MEGF10: variants seen among roughly 807,000 people sequenced by gnomAD.
The protein encoded by MEGF10 is multiple epidermal growth factor-like domains protein 10.
MEGF10 carries 86 observed loss-of-function variants against 147.5 expected under a neutral mutation model. The ratio of observed to expected loss-of-function variants is 0.58; its 90% CI spans 0.49 to 0.70. The LOEUF (loss-of-function observed/expected upper bound fraction) is 0.70. Among genes scored for constraint, MEGF10 ranks in the 30% least tolerant of loss-of-function variants. MEGF10 has a pLI of 0.00. For synonymous variants in MEGF10, 478 were observed against 525.5 expected (o/e 0.91, Z 1.24); for missense variants, 1,329 against 1,487.3 (o/e 0.89, Z 1.75).
At chr5:127,377,982 G>T (rs887936284) in intron 5 of MEGF10, among the ~76,000 whole-genome samples, 7 of 152,168 alleles carry the variant, frequency 4.6e-5, no homozygotes, top group African/African-American at 1.7e-4. Context: ...GGTCCCAAAG[G>T]TAGTTTCACT....
chr5:127,247,386 G>A, the MEGF10 span, among the ~76,000 whole-genome samples: 2 of 23,678 alleles, frequency 8.4e-5, no homozygotes, highest in Admixed American at 4.9e-4. Flanking sequence ...AGAAGAAGAA[G>A]AAGAAGAAGA....
intron 4 of MEGF10, among the ~76,000 whole-genome samples, chr5:127,353,865 A>G (rs890345392): frequency 1.3e-5 from 2 of 152,238 alleles, no homozygotes. Flanking sequence ...GGGACTGGGT[A>G]ACTCACTTTA....
At chr5:127,270,614 A>C in the MEGF10 span, among the ~76,000 whole-genome samples, 1 of 151,982 alleles carries the variant, frequency 6.6e-6, no homozygotes. Context: ...AGAGACTTAG[A>C]CTCCCACACA....
At chr5:127,279,677 A>G in the MEGF10 span, among the ~76,000 whole-genome samples, 3 of 152,148 alleles carry the variant, frequency 2.0e-5, no homozygotes, top group African/African-American at 7.2e-5. Context: ...CTTGAAAGAC[A>G]ATACTCTGTG....
rs1156648076 is a variant in MEGF10, at chr5:127,415,896, C to CAAAAA, written c.1131-1725_1131-1721dup. On this transcript the variant is annotated intron_variant, in intron 9 of 24. Coordinates refer to ENST00000503335, the MANE Select transcript of MEGF10 (RefSeq NM_001256545.2). ...TGGGCGACAGAGAAAGACTCCATCTCAAAAAAAAAAAAAAAAAAAAAGAAT... is the reference window on the plus strand; with the variant it reads ...TGGGCGACAGAGAAAGACTCCATCTCAAAAAAAAAAAAAAAAAAAAAAAAAAGAAT... Among the ~76,000 whole-genome samples the CAAAAA allele has an allele frequency of 3.4e-4, 19 of 55,572 alleles. 1 individual carries two copies. Among genetic ancestry groups the CAAAAA allele is most frequent in the African/African-American group, 8.7e-4 (15 of 17,196 alleles). 36.5% of individuals were successfully genotyped at this position (55,572 alleles called of 152,430 possible).
In MEGF10 at chr5:127,447,689, G is replaced by C. The variant is rs758770148; in HGVS notation, c.2856+5G>C. On this transcript the variant is annotated splice_donor_5th_base_variant and intron_variant, in intron 21 of 24. Coordinates refer to ENST00000503335, the MANE Select transcript of MEGF10 (RefSeq NM_001256545.2). ...GACAGGATGACTGTCACGAAGGTGA[G>C]AGGAATTGGTTCAAGTCTTTGGAAG... is the stretch of plus-strand genomic sequence containing the variant. 2 of 1,614,060 alleles carry C rather than the reference G, an allele frequency of 1.2e-6. No homozygotes were observed. The highest frequency in any genetic ancestry group is 1.7e-6 in the Non-Finnish European group (2 of 1,179,940).
intron 1 of MEGF10, among the ~76,000 whole-genome samples, chr5:127,325,757 G>A (rs934366530): frequency 1.3e-5 from 2 of 151,322 alleles, no homozygotes; most frequent in South Asian, 2.1e-4. Flanking sequence ...TCATGCTAAT[G>A]TTTAGGGATT....
At chr5:127,433,297 GA>G in intron 13 of MEGF10, 65 bp from the exon 14 acceptor site, 1 of 1,602,866 alleles carries the variant, frequency 6.2e-7, no homozygotes, top group South Asian at 1.1e-5. Context: ...CCTCATCTAT[GA>G]ATTAGCATCT....
chr5:127,362,236 T>C (rs1762493234), intron 4 of MEGF10, among the ~76,000 whole-genome samples: 1 of 151,952 alleles, frequency 6.6e-6, no homozygotes. Context: ...CATTATAAAG[T>C]GACCTTCATT....
intron 17 of MEGF10, among the ~76,000 whole-genome samples, chr5:127,440,078 C>A (rs1420609305): frequency 6.6e-6 from 1 of 152,220 alleles, no homozygotes; most frequent in Non-Finnish European, 1.5e-5. Flanking sequence ...TCTTGCAGGG[C>A]AGCTGCCAGC....
chr5:127,359,766 A>G (rs1440523171), intron 4 of MEGF10, among the ~76,000 whole-genome samples: 1 of 152,094 alleles, frequency 6.6e-6, no homozygotes, highest in Non-Finnish European at 1.5e-5. Flanking sequence ...CACAATTTAT[A>G]CTTTCATGTA....
chr5:127,386,643 T>C (rs561816877), intron 5 of MEGF10, among the ~76,000 whole-genome samples: 44 of 152,352 alleles, frequency 2.9e-4, no homozygotes, highest in African/African-American at 9.9e-4. Flanking sequence ...GCCTTGTTTT[T>C]TTCTTGATAG....
intron 5 of MEGF10, among the ~76,000 whole-genome samples, chr5:127,381,882 G>A (rs909080172): frequency 1.3e-5 from 2 of 152,136 alleles, no homozygotes; most frequent in Non-Finnish European, 2.9e-5. Context: ...TGTGGGCCAG[G>A]CTGGTCTCAA....
chr5:127,445,383 G>A (rs1765904634), intron 19 of MEGF10, 74 bp from the exon 20 acceptor site: 2 of 1,118,180 alleles, frequency 1.8e-6, no homozygotes, highest in Non-Finnish European at 2.7e-6. Context: ...CACAGAAGGA[G>A]GTTTTTGTAA....
intron 4 of MEGF10, among the ~76,000 whole-genome samples, chr5:127,361,267 G>C (rs137969090): frequency 0.011 from 1,645 of 151,902 alleles, 32 homozygotes; most frequent in African/African-American, 0.038. Context: ...ACTTGAATAA[G>C]CTTTAGCAGT....
chr5:127,420,178 C>T lies in MEGF10; in HGVS notation c.1561C>T (p.Arg521Cys), dbSNP rs1381176973. 4 of 1,613,974 alleles carry T rather than the reference C, an allele frequency of 2.5e-6. No individual in the cohort carries two copies. Among genetic ancestry groups the T allele is most frequent in the Non-Finnish European group, 2.5e-6 (3 of 1,180,002 alleles). Reference protein sequence around the residue: ...DGTCTCAPGWRGEKCELPCQD... With the variant: ...DGTCTCAPGWCGEKCELPCQD... ...GACCTGCACGTGTGCACCTGGATGG[C>T]GCGGGGAGAAATGCGAACTTCCCTG... Residue 521 changes from arginine to cysteine, a missense_variant, in exon 12 of 25, where the codon CGC (arginine) becomes TGC (cysteine). Arg to Cys is a radical substitution (Grantham distance 180). Transcript: ENST00000503335.
chr5:127,410,281 GC>G (rs1285772434), intron 8 of MEGF10, 107 bp from the exon 9 acceptor site: 11 of 1,010,738 alleles, frequency 1.1e-5, no homozygotes, highest in African/African-American at 1.6e-5. Context: ...AATTGCAAGA[GC>G]AAAAAGCAGC....
At chr5:127,425,816 A>T (rs1370494373) in intron 13 of MEGF10, among the ~76,000 whole-genome samples, 3 of 152,214 alleles carry the variant, frequency 2.0e-5, no homozygotes, top group Non-Finnish European at 2.9e-5. Context: ...GATAAACATA[A>T]GCCCAGAGAA....
chr5:127,254,234 C>G, the MEGF10 span, among the ~76,000 whole-genome samples: 1 of 152,036 alleles, frequency 6.6e-6, no homozygotes, highest in Non-Finnish European at 1.5e-5. Context: ...CTCCTCAAAC[C>G]CCAACCAGTC....
Sources: gnomAD v4.1 joint callset for allele counts (sites outside exome capture counted in the v4.1 genomes callset) on GRCh38, gnomAD v4.1.1 for gene constraint, MANE v1.5 for transcripts, NCBI Gene and HGNC (gene_info 2026-07-23, HGNC 2026-07-21) for gene names.